SLC38A10: variants seen among roughly 807,000 people sequenced by gnomAD.
SLC38A10 encodes the protein solute carrier family 38 member 10, also known as Sodium-coupled neutral amino acid transporter 10.
SLC38A10 carries 53 observed loss-of-function variants against 81.0 expected under a neutral mutation model. That is an observed-to-expected ratio of 0.65 (90% CI 0.53 to 0.82). The LOEUF (loss-of-function observed/expected upper bound fraction) is 0.82, where lower values mean the gene tolerates loss of function less well. Ranked by LOEUF, SLC38A10 falls within the 40% of genes least tolerant of loss-of-function variation. SLC38A10 has a pLI of 0.00. For synonymous variants in SLC38A10, 665 were observed against 655.3 expected (o/e 1.01, Z -0.23); for missense variants, 1,471 against 1,545.0 (o/e 0.95, Z 0.80).
At chr17:81,292,350 C>T (rs1028326848) in intron 1 of SLC38A10, among the ~76,000 whole-genome samples, 3 of 152,044 alleles carry the variant, frequency 2.0e-5, no homozygotes, top group African/African-American at 7.2e-5. Flanking sequence ...TGGTCTTGAA[C>T]TCCTGACCTC....
Position 81,284,818 on chromosome 17 carries a change from G to C in SLC38A10, c.263+32C>G, listed in dbSNP as rs768673301. Reference sequence around the variant, plus strand: ...TCCCCAGTGTCTGGGTGCGGGGGTGGGGGGCAAGCGCAGCGGCAGGGCGGG... The same window carrying C: ...TCCCCAGTGTCTGGGTGCGGGGGTGCGGGGCAAGCGCAGCGGCAGGGCGGG... On this transcript the variant is annotated intron_variant, in intron 3 of 15. Coordinates refer to ENST00000374759, the MANE Select transcript of SLC38A10 (RefSeq NM_001037984.3). 2.3e-5 allele frequency: 35 copies of C among 1,505,280 alleles called. No individual in the cohort carries two copies. The African/African-American group carries it at 4.8e-4, about 21-fold the overall frequency. The allele number at this position is 1,505,280 out of a possible 1,614,324, so 93.2% of individuals were successfully genotyped here. A position where few individuals can be genotyped will look rare whatever the true frequency, so the allele number is the denominator to read the frequency against.
chr17:81,252,382 C>G lies in SLC38A10; in HGVS notation c.1758G>C (p.Gln586His), dbSNP rs1328032886. 1 of 1,613,086 alleles carries G rather than the reference C, an allele frequency of 6.2e-7. No homozygotes were observed. Among genetic ancestry groups the G allele is most frequent in the Non-Finnish European group, 8.5e-7 (1 of 1,180,026 alleles). Residue 586 changes from glutamine to histidine, a missense_variant, in exon 13 of 16, where the codon CAG becomes CAC. By Grantham distance (24) the Gln-to-His change is conservative. This residue lies in a region of SLC38A10 where 720 missense variants were observed against 827.7 expected (regional missense o/e 0.87). Transcript: ENST00000374759. ...CCTCCTTTGCAGGCTGGACAGCTGG[C>G]TGACCATCTGCTTCTGGAACTTTCT... ...DPQKVPEADG[Q>H]PAVQPAKEDL...
chr17:81,287,769 C>T (rs540151568), intron 2 of SLC38A10, among the ~76,000 whole-genome samples: 1 of 152,354 alleles, frequency 6.6e-6, no homozygotes, highest in African/African-American at 2.4e-5. Flanking sequence ...TTTTCAGGGA[C>T]TTTGAATGAA....
At chr17:81,269,967 A>AAC (rs2063100634) in intron 10 of SLC38A10, among the ~76,000 whole-genome samples, 1 of 152,194 alleles carries the variant, frequency 6.6e-6, no homozygotes, top group African/African-American at 2.4e-5. Flanking sequence ...TCTGTCTCAA[A>AAC]AGAAAAAAAA....
chr17:81,245,324 A>T lies in SLC38A10; in HGVS notation c.*232T>A, dbSNP rs1018136713. ...AGGCTGGAGTGAGCTCAGAGTCTAG[A>T]GGTCAGAGGACCTCAGACTAAGAGC... On this transcript the variant is annotated 3_prime_UTR_variant, in exon 16 of 16. Transcript: ENST00000374759. 3.1e-5 allele frequency: 16 copies of T among 521,960 alleles called. No homozygotes were observed. In the African/African-American group the frequency reaches 3.2e-4, roughly 10 times the overall value. The allele number at this position is 521,960 out of a possible 1,614,324, so 32.3% of individuals were successfully genotyped here.
intron 13 of SLC38A10, 62 bp downstream of exon 13, chr17:81,252,133 T>A: frequency 6.7e-7 from 1 of 1,486,832 alleles, no homozygotes; most frequent in South Asian, 1.4e-5. Context: ...CTGCTGCCCC[T>A]GCCCAGCCTC....
At chr17:81,272,735 C>G in intron 8 of SLC38A10, 108 bp from the exon 9 acceptor site, 6 of 705,274 alleles carry the variant, frequency 8.5e-6, no homozygotes, top group Non-Finnish European at 1.3e-5. Context: ...CACATCTCCA[C>G]GTGAGGCCGG....
rs1381626629 is a variant in SLC38A10, at chr17:81,294,869, C to T, written c.53G>A (p.Ser18Asn). ...NWGLITNIVN[S>N]IVGVSVLTMP... ...GGTGAGGACACTGACCCCTACGATG[C>T]TGTTCACGATGTTCGTGATCAGCCC... Residue 18 changes from serine (S) to asparagine (N), a missense_variant, in exon 1 of 16, where the codon AGC becomes AAC. By Grantham distance (46) the Ser-to-Asn change is conservative (BLOSUM62 1). This residue lies in a region of SLC38A10 where 720 missense variants were observed against 827.7 expected (regional missense o/e 0.87). Transcript: ENST00000374759. 1 of 1,599,202 alleles carries T rather than the reference C, an allele frequency of 6.3e-7. No homozygotes were observed. Among genetic ancestry groups the T allele is most frequent in the Non-Finnish European group, 8.5e-7 (1 of 1,174,076 alleles).
chr17:81,285,843 C>CA (rs1393935733), intron 2 of SLC38A10: 2 of 152,132 alleles, frequency 1.3e-5, no homozygotes, highest in African/African-American at 2.4e-5. Flanking sequence ...TGAATGGGTC[C>CA]AAAAAACACT....
chr17:81,257,474 G>C (rs1328316141), intron 11 of SLC38A10, among the ~76,000 whole-genome samples: 1 of 152,154 alleles, frequency 6.6e-6, no homozygotes, highest in Non-Finnish European at 1.5e-5. Context: ...TGTTTCTGTT[G>C]CTGTCCTGAG....
At position 81,294,670 on chromosome 17, in the gene SLC38A10, T is replaced by C. The variant is rs1056644569; in HGVS notation, c.99+153A>G. 2.0e-5 allele frequency among the ~76,000 whole-genome samples: 3 copies of C among 152,208 alleles called. No individual in the cohort carries two copies. The South Asian group carries it at 6.2e-4, about 32-fold the overall frequency. The stretch of plus-strand genomic sequence containing the variant: ...TCATCCACGGATTCTCTACGGGAAC[T>C]GCGCCGGGACCCAGAGGGTCGCCCC... On this transcript the variant is annotated intron_variant, in intron 1 of 15. Transcript: ENST00000374759.
Position 81,289,343 on chromosome 17 carries a change from GT to G in SLC38A10, c.217+347del, listed in dbSNP as rs919360696. Among the ~76,000 whole-genome samples, 231 of 148,288 alleles carry G rather than the reference GT, an allele frequency of 1.6e-3. 1 individual carries two copies. The highest frequency in any genetic ancestry group is 5.3e-3 in the African/African-American group (213 of 40,450). Reference sequence around the variant, plus strand: ...AGGCACGAGCCACCACGCCCGGCAGGTTTTTTTTTTAACTGCATTTTTTTTT... The same window carrying G: ...AGGCACGAGCCACCACGCCCGGCAGGTTTTTTTTTAACTGCATTTTTTTTT... On this transcript the variant is annotated intron_variant, in intron 2 of 15. Coordinates refer to ENST00000374759, the MANE Select transcript of SLC38A10 (RefSeq NM_001037984.3). This position sits in a 1 kb window ranked among gnomAD's most constrained non-coding sequence, Gnocchi z 5.9.
rs531293452 is a variant in SLC38A10, at chr17:81,245,230, C to T, written c.*326G>A. On this transcript the variant is annotated 3_prime_UTR_variant, in exon 16 of 16. Coordinates refer to ENST00000374759, the MANE Select transcript of SLC38A10 (RefSeq NM_001037984.3). ...CAGGAGCAGGAGGCCTGACCACAGA[C>T]GCAGCAGCTCCCCAGCCTGAGCCTG... The T allele has an allele frequency of 2.1e-5, 6 of 291,224 alleles. No individual in the cohort carries two copies. The South Asian group carries it at 3.0e-4, about 15-fold the overall frequency. 18.0% of individuals were successfully genotyped at this position (291,224 alleles called of 1,614,324 possible). A position where few individuals can be genotyped will look rare whatever the true frequency, so the allele number is the denominator to read the frequency against.
intron 2 of SLC38A10, 41 bp from the exon 3 acceptor site, chr17:81,284,936 A>G (rs1203517954): frequency 1.3e-6 from 2 of 1,524,468 alleles, no homozygotes; most frequent in South Asian, 2.5e-5. Context: ...CAACAGCGTG[A>G]GAAGCTCGTC....
In SLC38A10 at chr17:81,253,480, T is replaced by C. The variant is rs566953427; in HGVS notation, c.1289-240A>G. Among the ~76,000 whole-genome samples the C allele has an allele frequency of 2.0e-5, 3 of 152,242 alleles. No individual in the cohort carries two copies. Among genetic ancestry groups the C allele is most frequent in the South Asian group, 2.1e-4 (1 of 4,826 alleles). On this transcript the variant is annotated intron_variant, in intron 11 of 15. Coordinates refer to ENST00000374759, the MANE Select transcript of SLC38A10 (RefSeq NM_001037984.3). The surrounding 1 kb of genome is among the most constrained non-coding windows in gnomAD (Gnocchi z 4.1). ...TGGGGGCAGGGAGAACTAGACTCCA[T>C]GTAATACTCAGTCATTACCACCAGA...
chr17:81,286,707 C>T lies in SLC38A10; in HGVS notation c.218-1812G>A, dbSNP rs1447248945. 6.6e-6 allele frequency among the ~76,000 whole-genome samples: 1 copy of T among 152,112 alleles called. No homozygotes were observed. Among genetic ancestry groups the T allele is most frequent in the Non-Finnish European group, 1.5e-5 (1 of 68,006 alleles). On this transcript the variant is annotated intron_variant, in intron 2 of 15. Coordinates refer to ENST00000374759, the MANE Select transcript of SLC38A10 (RefSeq NM_001037984.3). The surrounding 1 kb of genome is among the most constrained non-coding windows in gnomAD (Gnocchi z 6.0). ...GGGCGCGGCCTCCATGCAGGGTGTA[C>T]CCTACCCCAGGTGCAGTCAGATCTC...
chr17:81,245,708 C>A lies in SLC38A10; in HGVS notation c.3208G>T (p.Val1070Phe), dbSNP rs1167216827. Residue 1070 changes from valine to phenylalanine, a missense_variant, in exon 16 of 16, where the codon GTC becomes TTC. Physicochemically the swap from Val to Phe is conservative, Grantham distance 50. This residue lies in a region of SLC38A10 where 751 missense variants were observed against 717.4 expected (regional missense o/e 1.05). Transcript: ENST00000374759. ...GGCAGGGGGTTAAGGCCAATGATGA[C>A]CCCATCCCTCGGGGCCAGCTGACCC... Reference protein sequence around the residue: ...AEGQLAPRDGVIIGLNPLPDV... With the variant: ...AEGQLAPRDGFIIGLNPLPDV... 1 of 1,602,464 alleles carries A rather than the reference C, an allele frequency of 6.2e-7. No homozygotes were observed. Among genetic ancestry groups the A allele is most frequent in the African/African-American group, 1.3e-5 (1 of 74,772 alleles).
chr17:81,251,273 T>C, intron 14 of SLC38A10: 1 of 1,473,596 alleles, frequency 6.8e-7, no homozygotes, highest in Non-Finnish European at 9.2e-7. Context: ...ATGCCGCAGG[T>C]GTTTAAAGGG....
intron 10 of SLC38A10, 129 bp from the exon 11 acceptor site, chr17:81,260,523 C>T (rs2063012863): frequency 2.4e-6 from 3 of 1,275,170 alleles, no homozygotes; most frequent in South Asian, 1.6e-5. Flanking sequence ...TGACAAAGTC[C>T]CCCGAGGACG....
Sources: allele counts gnomAD v4.1 joint callset (sites outside exome capture counted in the v4.1 genomes callset), GRCh38; gene constraint gnomAD v4.1.1; regional missense constraint gnomAD v4.1.1; non-coding constraint Gnocchi (gnomAD v3.1); transcripts MANE v1.5; gene names NCBI Gene and HGNC (gene_info 2026-07-23, HGNC 2026-07-21).